MOB3B: variants seen among roughly 807,000 people sequenced by gnomAD.
MOB3B encodes MOB kinase activator-like 2B.
MOB3B carries 7 observed loss-of-function variants against 18.7 expected under a neutral mutation model. That is an observed-to-expected ratio of 0.37 (90% CI 0.21 to 0.70). The LOEUF is 0.70. MOB3B is among the 30% of genes least tolerant of loss of function. The pLI, the probability that MOB3B is intolerant of heterozygous loss-of-function variation, is 0.52. For synonymous variants in MOB3B, 111 were observed against 99.9 expected (o/e 1.11, Z -0.66); for missense variants, 253 against 281.3 (o/e 0.90, Z 0.72).
At chr9:27,528,609 G>T (rs1176552290) in intron 1 of MOB3B, among the ~76,000 whole-genome samples, 1 of 152,262 alleles carries the variant, frequency 6.6e-6, no homozygotes. Flanking sequence ...GTGGGGGCCG[G>T]GGAGGGGGAC....
chr9:27,401,377 G>C (rs992282025), intron 2 of MOB3B, among the ~76,000 whole-genome samples: 1 of 152,190 alleles, frequency 6.6e-6, no homozygotes, highest in East Asian at 1.9e-4. Flanking sequence ...AGGTGGCCCA[G>C]GGCTCCTTTT....
chr9:27,374,408 G>C (rs1394760363), intron 2 of MOB3B, among the ~76,000 whole-genome samples: 1 of 152,034 alleles, frequency 6.6e-6, no homozygotes, highest in Non-Finnish European at 1.5e-5. Flanking sequence ...CATCCAGAAA[G>C]TACCCTCAAT....
intron 1 of MOB3B, among the ~76,000 whole-genome samples, chr9:27,526,651 AAC>A (rs891780358): frequency 1.3e-5 from 2 of 152,344 alleles, no homozygotes; most frequent in Admixed American, 1.3e-4. Flanking sequence ...TAGAAGTCAG[AAC>A]AGTATGCTTT....
intron 1 of MOB3B, among the ~76,000 whole-genome samples, chr9:27,492,418 G>A (rs1819832563): frequency 6.6e-6 from 1 of 152,164 alleles, no homozygotes; most frequent in East Asian, 1.9e-4. Flanking sequence ...AGCATTCCCT[G>A]AGCAAAATGT....
intron 1 of MOB3B, among the ~76,000 whole-genome samples, chr9:27,468,434 C>T (rs555245236): frequency 1.3e-5 from 2 of 152,334 alleles, no homozygotes; most frequent in African/African-American, 4.8e-5. Context: ...GCCTCGATTT[C>T]CTCAAACTTC....
chr9:27,443,536 C>T (rs781143827), intron 2 of MOB3B, among the ~76,000 whole-genome samples: 5 of 152,172 alleles, frequency 3.3e-5, no homozygotes, highest in Admixed American at 6.5e-5. Context: ...GGAAAATACC[C>T]AACCATATTT....
chr9:27,497,732 C>CTAGAT (rs1819921990), intron 1 of MOB3B, among the ~76,000 whole-genome samples: 1 of 152,082 alleles, frequency 6.6e-6, no homozygotes, highest in Non-Finnish European at 1.5e-5. Flanking sequence ...GAATTAATCA[C>CTAGAT]TAGATTAGTA....
intron 3 of MOB3B, among the ~76,000 whole-genome samples, chr9:27,346,021 G>C (rs901365046): frequency 6.6e-6 from 1 of 152,186 alleles, no homozygotes; most frequent in Non-Finnish European, 1.5e-5. Context: ...CTAATGCCCA[G>C]TGTAATAGTA....
intron 3 of MOB3B, among the ~76,000 whole-genome samples, chr9:27,343,338 G>T (rs865940718): frequency 6.6e-6 from 1 of 151,276 alleles, no homozygotes; most frequent in East Asian, 1.9e-4. Flanking sequence ...CAAACACTGC[G>T]GAAGGCCGCG....
At chr9:27,497,158 C>T (rs560108775) in intron 1 of MOB3B, among the ~76,000 whole-genome samples, 45 of 152,302 alleles carry the variant, frequency 3.0e-4, no homozygotes, top group African/African-American at 9.6e-4. Context: ...GGCTCTTATA[C>T]ATCAGAGAGC....
chr9:27,462,195 A>C (rs1339123879), intron 1 of MOB3B, among the ~76,000 whole-genome samples: 3 of 152,230 alleles, frequency 2.0e-5, no homozygotes, highest in African/African-American at 7.2e-5. Flanking sequence ...TAAATCTTAT[A>C]ATGACATCCT....
chr9:27,387,023 G>C (rs1821658887), intron 2 of MOB3B, among the ~76,000 whole-genome samples: 1 of 152,164 alleles, frequency 6.6e-6, no homozygotes, highest in Admixed American at 6.5e-5. Flanking sequence ...TGGCAGAGTT[G>C]CTTCTGCGTA....
At chr9:27,354,114 C>T (rs1263911807) in intron 3 of MOB3B, among the ~76,000 whole-genome samples, 2 of 152,230 alleles carry the variant, frequency 1.3e-5, no homozygotes, top group South Asian at 2.1e-4. Context: ...CCAGCCATAG[C>T]GGCTGAACAG....
chr9:27,332,851 G>A (rs531509114), intron 3 of MOB3B, among the ~76,000 whole-genome samples: 24 of 152,324 alleles, frequency 1.6e-4, no homozygotes, highest in African/African-American at 4.8e-4. Flanking sequence ...CTATCTGACC[G>A]CAAAGGCTTG....
At chr9:27,481,968 A>C in intron 1 of MOB3B, among the ~76,000 whole-genome samples, 1 of 152,208 alleles carries the variant, frequency 6.6e-6, no homozygotes. Flanking sequence ...TTTAAAAAGC[A>C]AACACTGAAA....
Position 27,455,540 on chromosome 9 carries a change from G to T in MOB3B, c.11C>A (p.Ala4Asp). 2.5e-6 allele frequency: 4 copies of T among 1,614,160 alleles called. No homozygotes were observed. Among genetic ancestry groups the T allele is most frequent in the Middle Eastern group, 1.6e-4 (1 of 6,062 alleles). Residue 4 changes from alanine to aspartate, a missense_variant, in exon 2 of 4, where the codon GCC becomes GAC. By Grantham distance (126) the Ala-to-Asp change is moderately radical (BLOSUM62 -2). Coordinates refer to ENST00000262244, the MANE Select transcript of MOB3B (RefSeq NM_024761.5). MSI[A>D]LKQVFNKDKT... Reference sequence around the variant, plus strand: ...GTCCTTGTTGAATACCTGCTTCAGGGCTATGGACATGGTCTTCTCTTTCGC... The same window carrying T: ...GTCCTTGTTGAATACCTGCTTCAGGTCTATGGACATGGTCTTCTCTTTCGC...
chr9:27,452,554 A>G (rs1258652192), intron 2 of MOB3B, among the ~76,000 whole-genome samples: 2 of 152,236 alleles, frequency 1.3e-5, no homozygotes, highest in African/African-American at 4.8e-5. Context: ...AACTCAATTG[A>G]AAGAAAATAC....
At chr9:27,333,786 C>T (rs1300216919) in intron 3 of MOB3B, among the ~76,000 whole-genome samples, 1 of 152,184 alleles carries the variant, frequency 6.6e-6, no homozygotes, top group Admixed American at 6.5e-5. Flanking sequence ...GTCCCTGGTT[C>T]TCCACTGTCA....
At chr9:27,482,661 A>G (rs1196956638) in intron 1 of MOB3B, among the ~76,000 whole-genome samples, 1 of 152,118 alleles carries the variant, frequency 6.6e-6, no homozygotes, top group African/African-American at 2.4e-5. Context: ...GCCTGCCCAG[A>G]TGTCTTTATC....
Sources: allele counts gnomAD v4.1 joint callset (sites outside exome capture counted in the v4.1 genomes callset), GRCh38; gene constraint gnomAD v4.1.1; transcripts MANE v1.5; gene names NCBI Gene and HGNC (gene_info 2026-07-23, HGNC 2026-07-21).